Variants in IFT81 observed in about 807,000 individuals in gnomAD.
The protein encoded by IFT81 is intraflagellar transport 81, also known as intraflagellar transport protein 81 homolog.
A neutral mutation model predicts 102.6 loss-of-function variants in IFT81; 72 were observed. The ratio of observed to expected loss-of-function variants is 0.70; its 90% CI spans 0.58 to 0.85. The LOEUF (loss-of-function observed/expected upper bound fraction) is 0.85, where lower values mean the gene tolerates loss of function less well. Among genes scored for constraint, IFT81 ranks in the 40% least tolerant of loss-of-function variants. IFT81 has a pLI of 0.00. For missense variants in IFT81, 723 were observed against 787.3 expected (o/e 0.92, Z 0.98); for synonymous variants, 237 against 242.7 (o/e 0.98, Z 0.22).
rs148154097 is a variant in IFT81, at chr12:110,172,379, C to A, written c.1189-8043C>A. On this transcript the variant is annotated intron_variant, in intron 11 of 18. Transcript: ENST00000242591. Reference sequence around the variant, plus strand: ...CCCATGGTCTCCCTCTCCCCACGGTCTCCCTCTCCCCACGGTCTCCCTCTC... The same window carrying A: ...CCCATGGTCTCCCTCTCCCCACGGTATCCCTCTCCCCACGGTCTCCCTCTC... Among the ~76,000 whole-genome samples, 104 of 152,066 alleles carry A rather than the reference C, an allele frequency of 6.8e-4. 1 individual carries two copies. In the East Asian group the frequency reaches 0.015, roughly 22 times the overall value.
intron 9 of IFT81, among the ~76,000 whole-genome samples, chr12:110,144,809 C>T (rs1220836516): frequency 2.0e-5 from 3 of 151,316 alleles, no homozygotes; most frequent in South Asian, 2.1e-4. Context: ...TGTGCTTGGC[C>T]TGATTATACC....
intron 17 of IFT81, 151 bp from the exon 18 acceptor site, chr12:110,209,020 C>T: frequency 2.5e-6 from 1 of 403,628 alleles, no homozygotes; most frequent in Non-Finnish European, 4.5e-6. Flanking sequence ...TGGGGAAAGA[C>T]AAAGAATTTT....
chr12:110,138,575 G>GGT (rs1332503944), intron 8 of IFT81, among the ~76,000 whole-genome samples: 1 of 152,096 alleles, frequency 6.6e-6, no homozygotes, highest in Non-Finnish European at 1.5e-5. Flanking sequence ...TGGGATTACA[G>GGT]GTGTGTGCCA....
intron 11 of IFT81, among the ~76,000 whole-genome samples, chr12:110,163,798 T>G (rs1336945680): frequency 6.6e-6 from 1 of 150,846 alleles, no homozygotes; most frequent in African/African-American, 2.4e-5. Context: ...GTATTTTTAG[T>G]AGAGACGGGG....
chr12:110,181,729 T>C (rs1466766611), intron 12 of IFT81, among the ~76,000 whole-genome samples: 2 of 152,196 alleles, frequency 1.3e-5, no homozygotes, highest in Non-Finnish European at 2.9e-5. Context: ...TAACTATAAT[T>C]ATGGCTTTGT....
intron 11 of IFT81, chr12:110,167,847 CTT>C (rs746060315): frequency 0.011 from 2,521 of 225,244 alleles, no homozygotes; most frequent in South Asian, 0.024. Context: ...ATTTAGGTTT[CTT>C]TTTTTTTTTT....
intron 8 of IFT81, among the ~76,000 whole-genome samples, chr12:110,139,301 C>T (rs555935245): frequency 8.5e-5 from 12 of 141,052 alleles, no homozygotes; most frequent in Non-Finnish European, 1.2e-4. Context: ...TGTGCCACTG[C>T]ACTCCAGCCT....
intron 10 of IFT81, among the ~76,000 whole-genome samples, chr12:110,158,233 A>G (rs986605342): frequency 1.1e-4 from 16 of 151,728 alleles, no homozygotes; most frequent in African/African-American, 3.9e-4. Flanking sequence ...AAAATTAGCC[A>G]TCACACCTGG....
intron 10 of IFT81, 41 bp from the exon 11 acceptor site, chr12:110,162,877 AT>A (rs748180208): frequency 2.7e-5 from 40 of 1,472,722 alleles, no homozygotes; most frequent in Non-Finnish European, 3.5e-5. Flanking sequence ...TAGAAAGTTG[AT>A]TGTATATCTT....
intron 10 of IFT81, among the ~76,000 whole-genome samples, chr12:110,161,790 A>C (rs1249013101): frequency 6.6e-6 from 1 of 152,100 alleles, no homozygotes; most frequent in Non-Finnish European, 1.5e-5. Context: ...TCTATGGAGT[A>C]AAACATTGCT....
chr12:110,196,343 A>C (rs1317320401), intron 14 of IFT81, among the ~76,000 whole-genome samples: 2 of 152,092 alleles, frequency 1.3e-5, no homozygotes, highest in Non-Finnish European at 2.9e-5. Flanking sequence ...ACATGGCGAA[A>C]CTCTGTCTCT....
chr12:110,208,898 G>C (rs79476963), intron 17 of IFT81, among the ~76,000 whole-genome samples: 1 of 152,076 alleles, frequency 6.6e-6, no homozygotes. Context: ...TGTTTTGAGG[G>C]TAGATTAACC....
chr12:110,211,044 T>C (rs972922646), intron 18 of IFT81, among the ~76,000 whole-genome samples: 57 of 150,194 alleles, frequency 3.8e-4, no homozygotes, highest in African/African-American at 1.4e-3. Context: ...TTTTTTTTTT[T>C]GTAGAGACGG....
intron 10 of IFT81, among the ~76,000 whole-genome samples, chr12:110,149,230 A>G (rs538011026): frequency 5.6e-4 from 86 of 152,292 alleles, no homozygotes; most frequent in Non-Finnish European, 1.0e-3. Flanking sequence ...AGGAAATGGT[A>G]TTTAGAAACT....
At chr12:110,185,563 C>T (rs1339802163) in intron 12 of IFT81, among the ~76,000 whole-genome samples, 11 of 151,914 alleles carry the variant, frequency 7.2e-5, no homozygotes, top group Non-Finnish European at 1.5e-5. Context: ...CTTTGTTTAC[C>T]TCCTTCCCAT....
In IFT81 at chr12:110,205,743, A is replaced by G. The variant is rs547268722; in HGVS notation, c.1802+63A>G. Reference sequence around the variant, plus strand: ...ATTTTCACCAATAAAAGTTTTATAAATAAGATAGAATTATACAAATTTAGC... The same window carrying G: ...ATTTTCACCAATAAAAGTTTTATAAGTAAGATAGAATTATACAAATTTAGC... On this transcript the variant is annotated intron_variant, in intron 17 of 18. Transcript: ENST00000242591. The G allele has an allele frequency of 4.1e-5, 42 of 1,016,062 alleles. 1 individual carries two copies. In the South Asian group the frequency reaches 6.1e-4, roughly 15 times the overall value. The allele number at this position is 1,016,062 out of a possible 1,614,324, so 62.9% of individuals were successfully genotyped here.
intron 6 of IFT81, 33 bp from the exon 7 acceptor site, chr12:110,135,294 C>A (rs1894418572): frequency 7.2e-7 from 1 of 1,382,456 alleles, no homozygotes; most frequent in Non-Finnish European, 1.0e-6. Flanking sequence ...TCAAACCTGA[C>A]AGTAACATGT....
chr12:110,160,697 T>C (rs969793014), intron 10 of IFT81, among the ~76,000 whole-genome samples: 1 of 152,212 alleles, frequency 6.6e-6, no homozygotes, highest in African/African-American at 2.4e-5. Flanking sequence ...TGACACCTAA[T>C]AGTAACCATC....
At chr12:110,185,058 G>A (rs575342329) in intron 12 of IFT81, among the ~76,000 whole-genome samples, 1 of 152,272 alleles carries the variant, frequency 6.6e-6, no homozygotes, top group African/African-American at 2.4e-5. Flanking sequence ...ACATGCCTGG[G>A]ACTGTCAGTA....
Sources: gnomAD v4.1 joint callset for allele counts (sites outside exome capture counted in the v4.1 genomes callset) on GRCh38, gnomAD v4.1.1 for gene constraint, MANE v1.5 for transcripts, NCBI Gene and HGNC (gene_info 2026-07-23, HGNC 2026-07-21) for gene names.